The following POLD3 variants were observed in gnomAD, a reference collection of about 807,000 sequenced individuals.
POLD3 encodes DNA polymerase delta 3, accessory subunit, also known as DNA polymerase delta subunit 3.
A neutral mutation model predicts 58.2 loss-of-function variants in POLD3; 19 were observed. The ratio of observed to expected loss-of-function variants is 0.33; its 90% CI spans 0.23 to 0.48. The LOEUF is 0.48. POLD3 is among the 20% of genes least tolerant of loss of function. The pLI is 0.99. For missense variants in POLD3, 504 were observed against 545.5 expected, an observed-to-expected ratio of 0.92 and a Z score of 0.76; for synonymous variants, 172 against 193.5, an observed-to-expected ratio of 0.89 and a Z score of 0.92.
At chr11:74,611,000 C>G (rs1383637729) in intron 3 of POLD3, among the ~76,000 whole-genome samples, 2 of 152,180 alleles carry the variant, frequency 1.3e-5, no homozygotes, top group African/African-American at 4.8e-5. Context: ...GTCTCAAACT[C>G]CTGACCTCAG....
chr11:74,650,882 T>G (rs1285147229), intron 4 of POLD3, among the ~76,000 whole-genome samples: 2 of 152,238 alleles, frequency 1.3e-5, no homozygotes, highest in Non-Finnish European at 2.9e-5. Context: ...ATGGACAGCA[T>G]GAGGGTTTCA....
chr11:74,599,766 G>C (rs927703876), intron 2 of POLD3, among the ~76,000 whole-genome samples: 6 of 152,070 alleles, frequency 3.9e-5, no homozygotes, highest in African/African-American at 1.4e-4. Context: ...ATTTCAGACT[G>C]TGAAAATGCT....
In POLD3 at chr11:74,618,285, A is replaced by G. The variant is rs138664444; in HGVS notation, c.393-252A>G. On this transcript the variant is annotated intron_variant, in intron 5 of 11. Transcript: ENST00000263681. ...AAGGCACCTAATTCCAATCCTATCTATTACTAACTAGATGTATAACCTAGT... is the reference window on the plus strand; with the variant it reads ...AAGGCACCTAATTCCAATCCTATCTGTTACTAACTAGATGTATAACCTAGT... 3.4e-3 allele frequency among the ~76,000 whole-genome samples: 515 copies of G among 152,224 alleles called. 3 individuals are homozygous for G. The highest frequency in any genetic ancestry group is 0.012 in the African/African-American group (483 of 41,532).
At chr11:74,638,258 A>G (rs2032811887) in intron 11 of POLD3, among the ~76,000 whole-genome samples, 1 of 152,176 alleles carries the variant, frequency 6.6e-6, no homozygotes, top group African/African-American at 2.4e-5. Context: ...CTTTGAATAT[A>G]GAAATATTCC....
intron 2 of POLD3, among the ~76,000 whole-genome samples, chr11:74,597,973 C>T (rs1246550440): frequency 3.9e-5 from 6 of 152,004 alleles, no homozygotes; most frequent in Admixed American, 3.9e-4. Context: ...CTTAGCTACT[C>T]AGAAGGCTGA....
chr11:74,600,549 C>T (rs374558998), intron 2 of POLD3, among the ~76,000 whole-genome samples: 2 of 151,862 alleles, frequency 1.3e-5, no homozygotes, highest in Non-Finnish European at 2.9e-5. Flanking sequence ...GCAGGAAAAT[C>T]ACTTGAACCT....
chr11:74,662,736 C>G (rs1295351288), intron 4 of POLD3, among the ~76,000 whole-genome samples: 8 of 152,128 alleles, frequency 5.3e-5, no homozygotes, highest in Admixed American at 4.6e-4. Context: ...AAGCCCAGCA[C>G]AACACTAAGA....
At chr11:74,629,636 G>A (rs1483883617) in intron 9 of POLD3, among the ~76,000 whole-genome samples, 1 of 147,206 alleles carries the variant, frequency 6.8e-6, no homozygotes, top group African/African-American at 2.5e-5. Context: ...CTACCTTCAT[G>A]TGAATCTTTT....
intron 3 of POLD3, among the ~76,000 whole-genome samples, chr11:74,608,067 A>C (rs554142484): frequency 1.3e-5 from 2 of 152,200 alleles, no homozygotes; most frequent in Non-Finnish European, 2.9e-5. Flanking sequence ...TGTAATGTGA[A>C]GAACTGTCAA....
chr11:74,602,361 T>C (rs2031531150), intron 2 of POLD3, among the ~76,000 whole-genome samples: 1 of 152,312 alleles, frequency 6.6e-6, no homozygotes, highest in Admixed American at 6.5e-5. Context: ...ACCTAACTCC[T>C]GACTTCTCCC....
rs576765616 is a variant in POLD3 at position 74,613,574 on chromosome 11, C to T, written c.392+564C>T. The stretch of plus-strand genomic sequence containing the variant: ...AGTGGCATTGGACAAATTACTTAAA[C>T]TCTTTGAGCTTTGGTTTCTTTGCCT... On this transcript the variant is annotated intron_variant, in intron 5 of 11. Transcript: ENST00000263681. 2.6e-5 allele frequency among the ~76,000 whole-genome samples: 4 copies of T among 152,252 alleles called. No individual in the cohort carries two copies. The South Asian group carries it at 8.3e-4, about 32-fold the overall frequency.
chr11:74,605,904 C>T (rs1190619654), intron 3 of POLD3, among the ~76,000 whole-genome samples: 1 of 151,992 alleles, frequency 6.6e-6, no homozygotes, highest in Non-Finnish European at 1.5e-5. Flanking sequence ...GGCAACCTAG[C>T]GAAACCCCAT....
chr11:74,639,672 A>G (rs1303318243), intron 11 of POLD3, among the ~76,000 whole-genome samples: 1 of 152,188 alleles, frequency 6.6e-6, no homozygotes, highest in Non-Finnish European at 1.5e-5. Flanking sequence ...ATGTGACGTC[A>G]TGGCTGGAAG....
chr11:74,623,424 G>A (rs2032327814), intron 7 of POLD3, among the ~76,000 whole-genome samples: 2 of 152,174 alleles, frequency 1.3e-5, no homozygotes. Flanking sequence ...GACAGAGAAA[G>A]ACTCTGTCTC....
chr11:74,652,690 A>G (rs2033081969), intron 4 of POLD3: 1 of 152,608 alleles, frequency 6.6e-6, no homozygotes, highest in Non-Finnish European at 1.5e-5. Flanking sequence ...ATTGTATTCT[A>G]CTAAAGGAAG....
At chr11:74,611,395 T>C (rs1484461362) in intron 3 of POLD3, 104 bp from the exon 4 acceptor site, 1 of 705,016 alleles carries the variant, frequency 1.4e-6, no homozygotes, top group African/African-American at 1.8e-5. Context: ...GAGTGCCTGG[T>C]GTTTTCCTAA....
intron 3 of POLD3, among the ~76,000 whole-genome samples, chr11:74,610,133 A>G (rs1293247410): frequency 6.6e-6 from 1 of 151,800 alleles, no homozygotes; most frequent in Non-Finnish European, 1.5e-5. Context: ...GTTTCCATAT[A>G]GCATTATGTT....
At chr11:74,625,599 G>A (rs781490240) in intron 8 of POLD3, 26 bp downstream of exon 8, 2 of 1,592,308 alleles carry the variant, frequency 1.3e-6, no homozygotes, top group East Asian at 2.2e-5. Flanking sequence ...TGCTTATTGG[G>A]GAAGAGTCTT....
chr11:74,595,209 T>C (rs987612351), intron 2 of POLD3: 3 of 148,880 alleles, frequency 2.0e-5, no homozygotes, highest in African/African-American at 4.9e-5. Context: ...TTTCACTATG[T>C]TGCCCAGGCT....
Sources: allele counts gnomAD v4.1 joint callset (sites outside exome capture counted in the v4.1 genomes callset), GRCh38; gene constraint gnomAD v4.1.1; transcripts MANE v1.5; gene names NCBI Gene and HGNC (gene_info 2026-07-23, HGNC 2026-07-21).